PHACTR1: variants seen among roughly 807,000 people sequenced by gnomAD.
PHACTR1 encodes phosphatase and actin regulator 1, also known as RPEL repeat containing 1.
In PHACTR1, 16 loss-of-function variants were observed where a neutral mutation model predicts 69.2. That is an observed-to-expected ratio of 0.23 (90% confidence interval 0.16 to 0.35). PHACTR1 has a LOEUF of 0.35. PHACTR1 is among the 10% of genes least tolerant of loss of function. The pLI is 1.00. For synonymous variants in PHACTR1, 312 were observed against 284.5 expected (o/e 1.10, Z -0.97); for missense variants, 510 against 734.7 (o/e 0.69, Z 3.54).
chr6:12,957,332 C>G (rs946624287), intron 4 of PHACTR1: 1 of 983,760 alleles, frequency 1.0e-6, no homozygotes, highest in African/African-American at 1.8e-5. Flanking sequence ...CCTCTCCAGG[C>G]TGAAACAGCT....
chr6:13,077,853 A>G (rs1810769003), intron 5 of PHACTR1, among the ~76,000 whole-genome samples: 1 of 152,174 alleles, frequency 6.6e-6, no homozygotes. Context: ...GACTTGCGAG[A>G]CAAAATATCG....
At chr6:13,068,412 C>T (rs183006231) in intron 5 of PHACTR1, among the ~76,000 whole-genome samples, 7 of 152,114 alleles carry the variant, frequency 4.6e-5, no homozygotes, top group Non-Finnish European at 8.8e-5. Context: ...TAGTACTTTG[C>T]GCTAAGTTTT....
chr6:12,872,157 C>A (rs1449644261), intron 4 of PHACTR1, among the ~76,000 whole-genome samples: 2 of 152,010 alleles, frequency 1.3e-5, no homozygotes, highest in Non-Finnish European at 2.9e-5. Flanking sequence ...TAGGTCCAAG[C>A]TAGAAATACG....
intron 4 of PHACTR1, among the ~76,000 whole-genome samples, chr6:12,786,802 C>T (rs1771604677): frequency 6.6e-6 from 1 of 152,166 alleles, no homozygotes; most frequent in Non-Finnish European, 1.5e-5. Context: ...GCAAGGCATG[C>T]TTGAAACCAT....
At chr6:13,133,214 TCCCCCTC>T (rs1820764484) in intron 5 of PHACTR1, among the ~76,000 whole-genome samples, 1 of 15,356 alleles carries the variant, frequency 6.5e-5, no homozygotes, top group Non-Finnish European at 1.1e-4. Flanking sequence ...CCCCTCCCCC[TCCCCCTC>T]CCCCTCCCCC....
At chr6:13,253,360 A>C (rs1291410849) in intron 10 of PHACTR1, among the ~76,000 whole-genome samples, 1 of 152,206 alleles carries the variant, frequency 6.6e-6, no homozygotes, top group Non-Finnish European at 1.5e-5. Flanking sequence ...TTGAGGCCCA[A>C]CTAAGCACAG....
At chr6:13,086,748 G>C (rs1258053096) in intron 5 of PHACTR1, among the ~76,000 whole-genome samples, 2 of 152,046 alleles carry the variant, frequency 1.3e-5, no homozygotes, top group African/African-American at 2.4e-5. Flanking sequence ...CTAGGTTTAG[G>C]CTATTATGTA....
chr6:12,845,813 T>C (rs1352815422), intron 4 of PHACTR1, among the ~76,000 whole-genome samples: 1 of 152,156 alleles, frequency 6.6e-6, no homozygotes, highest in Non-Finnish European at 1.5e-5. Flanking sequence ...AAGGCAGTAT[T>C]CTCTTAGGCT....
chr6:12,765,725 G>C (rs1418624421), intron 4 of PHACTR1, among the ~76,000 whole-genome samples: 1 of 151,916 alleles, frequency 6.6e-6, no homozygotes, highest in African/African-American at 2.4e-5. Flanking sequence ...TTCTCTATAG[G>C]GTTTGTGTTT....
At chr6:12,939,695 C>T (rs947064338) in intron 4 of PHACTR1, among the ~76,000 whole-genome samples, 30 of 151,962 alleles carry the variant, frequency 2.0e-4, no homozygotes, top group Admixed American at 3.9e-4. Flanking sequence ...AAAAGAGAAC[C>T]GAGACCCCAG....
intron 3 of PHACTR1, among the ~76,000 whole-genome samples, chr6:12,727,459 T>G (rs1762936401): frequency 6.6e-6 from 1 of 152,178 alleles, no homozygotes; most frequent in Non-Finnish European, 1.5e-5. Context: ...TGCTTTGCCA[T>G]GTATTGTGAT....
intron 4 of PHACTR1, among the ~76,000 whole-genome samples, chr6:12,895,203 C>T (rs557562670): frequency 6.1e-5 from 6 of 98,330 alleles, no homozygotes; most frequent in Admixed American, 1.4e-4. Context: ...TTTTTTGAGA[C>T]GAAGTTTCCC....
At chr6:13,219,147 T>C (rs1768202064) in intron 8 of PHACTR1, among the ~76,000 whole-genome samples, 1 of 152,176 alleles carries the variant, frequency 6.6e-6, no homozygotes, top group Admixed American at 6.5e-5. Flanking sequence ...ATGTGTGCCT[T>C]TTATTGACTC....
At chr6:12,888,550 G>A (rs1783866499) in intron 4 of PHACTR1, among the ~76,000 whole-genome samples, 1 of 152,102 alleles carries the variant, frequency 6.6e-6, no homozygotes, top group Non-Finnish European at 1.5e-5. Flanking sequence ...CTCAAGTCAT[G>A]AAAATTAGTT....
chr6:13,171,637 T>C (rs1383889226), intron 6 of PHACTR1, among the ~76,000 whole-genome samples: 1 of 152,222 alleles, frequency 6.6e-6, no homozygotes, highest in Non-Finnish European at 1.5e-5. Context: ...TTGTGAATTT[T>C]GTTCAATTTT....
intron 5 of PHACTR1, among the ~76,000 whole-genome samples, chr6:13,103,986 AG>A (rs1323195630): frequency 2.0e-5 from 3 of 152,192 alleles, no homozygotes; most frequent in Non-Finnish European, 4.4e-5. Flanking sequence ...TGGGAGGTTG[AG>A]GCAGGAAAAT....
At chr6:12,864,067 C>T (rs1781203166) in intron 4 of PHACTR1, among the ~76,000 whole-genome samples, 1 of 152,106 alleles carries the variant, frequency 6.6e-6, no homozygotes, top group Non-Finnish European at 1.5e-5. Context: ...CTTTAATTTC[C>T]TGATCTGGCG....
intron 7 of PHACTR1, among the ~76,000 whole-genome samples, chr6:13,199,247 C>T (rs1764851548): frequency 6.6e-6 from 1 of 151,912 alleles, no homozygotes; most frequent in Non-Finnish European, 1.5e-5. Context: ...ATTAGCTGGG[C>T]TTGGTGGCGT....
chr6:13,259,291 C>G (rs16873890), intron 10 of PHACTR1, among the ~76,000 whole-genome samples: 8,009 of 152,294 alleles, frequency 0.053, 605 homozygotes, highest in African/African-American at 0.17. Flanking sequence ...TGTGCAGGCT[C>G]TCAACCGTCT....
Sources: allele counts gnomAD v4.1 joint callset (sites outside exome capture counted in the v4.1 genomes callset), GRCh38; gene constraint gnomAD v4.1.1; transcripts MANE v1.5; gene names NCBI Gene and HGNC (gene_info 2026-07-23, HGNC 2026-07-21).